Variants in PSD3 observed in about 807,000 individuals in gnomAD.
PSD3 encodes pleckstrin and Sec7 domain containing 3, also known as PH and SEC7 domain-containing protein 3.
A neutral mutation model predicts 105.5 loss-of-function variants in PSD3; 49 were observed. The ratio of observed to expected loss-of-function variants is 0.46; its 90% CI spans 0.37 to 0.59. PSD3 has a LOEUF of 0.59. Ranked by LOEUF, PSD3 falls within the 20% of genes least tolerant of loss-of-function variation. PSD3 has a pLI of 0.00. For missense variants in PSD3, 1,561 were observed against 1,263.8 expected (o/e 1.24, Z -3.57); for synonymous variants, 557 against 457.8 (o/e 1.22, Z -2.77).
chr8:18,804,476 T>A, intron 6 of PSD3, 46 bp downstream of exon 6: 1 of 1,468,250 alleles, frequency 6.8e-7, no homozygotes, highest in Non-Finnish European at 9.4e-7. Flanking sequence ...CTCTAAGAAC[T>A]AATCATTTGA....
chr8:18,905,100 A>T (rs1381402261), intron 2 of PSD3, among the ~76,000 whole-genome samples: 1 of 152,230 alleles, frequency 6.6e-6, no homozygotes, highest in Non-Finnish European at 1.5e-5. Flanking sequence ...TAAGTAGCTT[A>T]TAGCCAGGAC....
intron 9 of PSD3, among the ~76,000 whole-genome samples, chr8:18,725,305 C>G (rs745445191): frequency 6.6e-6 from 1 of 152,108 alleles, no homozygotes; most frequent in Non-Finnish European, 1.5e-5. Flanking sequence ...GGGCTACAAA[C>G]AGACAAGGGA....
chr8:18,930,831 GT>G (rs1160622376), intron 2 of PSD3, among the ~76,000 whole-genome samples: 6 of 152,130 alleles, frequency 3.9e-5, no homozygotes, highest in Non-Finnish European at 7.4e-5. Flanking sequence ...GCCTCCCAAA[GT>G]GCTGGGATTA....
At chr8:18,584,923 G>A (rs1232139179) in intron 12 of PSD3, among the ~76,000 whole-genome samples, 7 of 152,144 alleles carry the variant, frequency 4.6e-5, no homozygotes, top group Non-Finnish European at 7.4e-5. Context: ...GGGAGAGGGA[G>A]CGGAGGCATG....
At chr8:18,845,496 A>G (rs757996469) in intron 4 of PSD3, among the ~76,000 whole-genome samples, 19 of 152,158 alleles carry the variant, frequency 1.2e-4, no homozygotes, top group Non-Finnish European at 2.4e-4. Context: ...GTGCGTCCAC[A>G]CTGAGAGTGC....
chr8:18,951,807 A>G (rs775979658), intron 1 of PSD3, among the ~76,000 whole-genome samples: 34 of 151,998 alleles, frequency 2.2e-4, no homozygotes, highest in Non-Finnish European at 4.6e-4. Flanking sequence ...AAACATGGTG[A>G]AACCCCTCCT....
At chr8:18,915,596 T>C (rs1820529734) in intron 2 of PSD3, among the ~76,000 whole-genome samples, 1 of 152,140 alleles carries the variant, frequency 6.6e-6, no homozygotes, top group African/African-American at 2.4e-5. Flanking sequence ...AAAGAAGACA[T>C]ACAAATGGCC....
At chr8:18,692,082 G>T (rs1303417520) in intron 9 of PSD3, among the ~76,000 whole-genome samples, 1 of 152,104 alleles carries the variant, frequency 6.6e-6, no homozygotes, top group Non-Finnish European at 1.5e-5. Context: ...CATCAAAAAA[G>T]GGTGACCATT....
Position 19,075,378 on chromosome 8 carries a change from C to T in PSD3, c.324+8828G>A, listed in dbSNP as rs542743926. ...TTGGCCTCCCAAATTGTTCGGATTA[C>T]AGGCATGAAGCACTGCACCCAGCCT... On this transcript the variant is annotated intron_variant, in intron 1 of 1. Transcript: ENST00000521475. Among the ~76,000 whole-genome samples, 3 of 152,350 alleles carry T rather than the reference C, an allele frequency of 2.0e-5. No homozygotes were observed. In the East Asian group the frequency reaches 5.8e-4, roughly 29 times the overall value.
Position 18,554,401 on chromosome 8 carries a change from A to AT in PSD3, c.2928+1807dup, listed in dbSNP as rs540366616. Among the ~76,000 whole-genome samples the AT allele has an allele frequency of 3.5e-3, 526 of 152,068 alleles. 2 individuals are homozygous for AT. Among genetic ancestry groups the AT allele is most frequent in the Non-Finnish European group, 6.3e-3 (430 of 67,962 alleles). Reference sequence around the variant, plus strand: ...TTGGTTTATTTTTATTTTTTATTTTATTTTTTCAAGCATTTTGCTGGTAAG... The same window carrying AT: ...TTGGTTTATTTTTATTTTTTATTTTATTTTTTTCAAGCATTTTGCTGGTAAG... On this transcript the variant is annotated intron_variant, in intron 15 of 15. Transcript: ENST00000327040.
intron 1 of PSD3, among the ~76,000 whole-genome samples, chr8:18,957,983 C>T (rs973924211): frequency 6.6e-6 from 1 of 152,164 alleles, no homozygotes; most frequent in East Asian, 1.9e-4. Flanking sequence ...ATTGCTACCA[C>T]AATTTGAAAC....
chr8:18,844,078 G>A (rs982081023), intron 4 of PSD3, among the ~76,000 whole-genome samples: 3 of 152,030 alleles, frequency 2.0e-5, no homozygotes, highest in African/African-American at 7.2e-5. Context: ...CCAGCAGCTG[G>A]CTCTATGGGG....
intron 9 of PSD3, among the ~76,000 whole-genome samples, chr8:18,758,839 T>C (rs1249688664): frequency 6.6e-6 from 1 of 152,164 alleles, no homozygotes; most frequent in Non-Finnish European, 1.5e-5. Flanking sequence ...AAAAACGGGA[T>C]GGAGGTATCC....
chr8:18,823,007 C>T (rs1013309933), intron 4 of PSD3, among the ~76,000 whole-genome samples: 6 of 151,662 alleles, frequency 4.0e-5, no homozygotes, highest in African/African-American at 1.2e-4. Context: ...TCAATTTAAG[C>T]TCCATTCTTT....
intron 9 of PSD3, among the ~76,000 whole-genome samples, chr8:18,690,277 C>T (rs73591543): frequency 0.053 from 8,016 of 152,190 alleles, 705 homozygotes; most frequent in African/African-American, 0.18. Context: ...GAGTGAGGTA[C>T]GCAACCTTTC....
At chr8:18,600,707 G>T (rs1425692198) in intron 11 of PSD3, among the ~76,000 whole-genome samples, 2 of 152,046 alleles carry the variant, frequency 1.3e-5, no homozygotes, top group South Asian at 4.2e-4. Context: ...CTTGCTAATG[G>T]TCCCACAACT....
At chr8:18,826,984 T>C (rs1366733017) in intron 4 of PSD3, among the ~76,000 whole-genome samples, 1 of 152,184 alleles carries the variant, frequency 6.6e-6, no homozygotes, top group Non-Finnish European at 1.5e-5. Context: ...CAAAGTGATA[T>C]GAATGGTATG....
chr8:18,600,242 A>G (rs1413306435), intron 12 of PSD3, 122 bp downstream of exon 12: 4 of 927,320 alleles, frequency 4.3e-6, no homozygotes, highest in African/African-American at 1.7e-5. Flanking sequence ...ATTTTTTAAC[A>G]TCAGCAAACA....
chr8:18,721,555 A>AG (rs1802974185), intron 9 of PSD3, among the ~76,000 whole-genome samples: 2 of 152,186 alleles, frequency 1.3e-5, no homozygotes, highest in South Asian at 4.1e-4. Flanking sequence ...TACATGAGGA[A>AG]GGTGATATTG....
Sources: gnomAD v4.1 joint callset for allele counts (sites outside exome capture counted in the v4.1 genomes callset) on GRCh38, gnomAD v4.1.1 for gene constraint, MANE v1.5 for transcripts, NCBI Gene and HGNC (gene_info 2026-07-23, HGNC 2026-07-21) for gene names.